KCNH1: variants seen among roughly 807,000 people sequenced by gnomAD.
The protein encoded by KCNH1 is potassium voltage-gated channel subfamily H member 1, also known as voltage-gated delayed rectifier potassium channel KCNH1.
In KCNH1, 27 loss-of-function variants were observed where a neutral mutation model predicts 69.2. The observed-to-expected ratio is 0.39, with a 90% CI of 0.29 to 0.54. The LOEUF is 0.54. KCNH1 is among the 20% of genes least tolerant of loss of function. The probability of loss-of-function intolerance (pLI) is 0.68; values close to 1 mark genes in which losing one functional copy is unlikely to be tolerated. For missense variants in KCNH1, 798 were observed against 1,261.6 expected (o/e 0.63, Z 5.57); for synonymous variants, 456 against 487.7 (o/e 0.93, Z 0.86).
At chr1:210,937,832 C>A (rs1259162101) in intron 6 of KCNH1, among the ~76,000 whole-genome samples, 1 of 152,178 alleles carries the variant, frequency 6.6e-6, no homozygotes, top group Admixed American at 6.5e-5. Context: ...GACTATACTC[C>A]CCTGGTTCCC....
At chr1:210,846,182 C>T (rs549406912) in intron 7 of KCNH1, among the ~76,000 whole-genome samples, 4 of 152,248 alleles carry the variant, frequency 2.6e-5, no homozygotes, top group African/African-American at 7.2e-5. Flanking sequence ...TCAATGCCAT[C>T]GCCATCAAGC....
chr1:210,805,465 C>A, intron 7 of KCNH1, among the ~76,000 whole-genome samples: 1 of 152,126 alleles, frequency 6.6e-6, no homozygotes, highest in Non-Finnish European at 1.5e-5. Context: ...CTCCCATCCC[C>A]ACCTGCTTTC....
At chr1:210,931,983 A>C (rs1468648856) in intron 6 of KCNH1, among the ~76,000 whole-genome samples, 2 of 152,130 alleles carry the variant, frequency 1.3e-5, no homozygotes, top group Non-Finnish European at 1.5e-5. Flanking sequence ...GGACACCATT[A>C]AGTTAATAAA....
intron 10 of KCNH1, among the ~76,000 whole-genome samples, chr1:210,705,886 T>TAAAC (rs1274019103): frequency 2.0e-5 from 3 of 152,232 alleles, no homozygotes; most frequent in Non-Finnish European, 4.4e-5. Flanking sequence ...AGGCCAGCCC[T>TAAAC]AAACAGTGTT....
At chr1:210,923,392 G>A (rs1349469463) in intron 6 of KCNH1, among the ~76,000 whole-genome samples, 3 of 152,114 alleles carry the variant, frequency 2.0e-5, no homozygotes, top group Admixed American at 2.0e-4. Context: ...GAGATAAACT[G>A]CCATTGGGGG....
At chr1:210,701,621 TCTTC>T (rs1167441532) in intron 10 of KCNH1, among the ~76,000 whole-genome samples, 1 of 152,036 alleles carries the variant, frequency 6.6e-6, no homozygotes, top group Non-Finnish European at 1.5e-5. Context: ...CTGAAGTTAA[TCTTC>T]CTTCCTTCCA....
intron 6 of KCNH1, among the ~76,000 whole-genome samples, chr1:211,016,922 A>AAAAAAAAAT (rs139001420): frequency 1.4e-5 from 2 of 146,492 alleles, no homozygotes; most frequent in Admixed American, 6.9e-5. Context: ...AAAAAAAAAA[A>AAAAAAAAAT]TTTTAAAATT....
At chr1:210,838,247 T>C (rs1282280289) in intron 7 of KCNH1, among the ~76,000 whole-genome samples, 2 of 152,036 alleles carry the variant, frequency 1.3e-5, no homozygotes, top group African/African-American at 2.4e-5. Flanking sequence ...ATGGGGAAAG[T>C]ATTCCCTATT....
rs1014111355 is a variant in KCNH1, at chr1:210,891,360, G to A, written c.1462+28280C>T. ...AACAATGAGAACACTTGGACACAGGGTGAGGAACATCACACACCAGGGCCT... is the reference window on the plus strand; with the variant it reads ...AACAATGAGAACACTTGGACACAGGATGAGGAACATCACACACCAGGGCCT... On this transcript the variant is annotated intron_variant, in intron 7 of 10. Transcript: ENST00000271751. 2.0e-5 allele frequency among the ~76,000 whole-genome samples: 3 copies of A among 152,044 alleles called. No individual in the cohort carries two copies. In the South Asian group the frequency reaches 6.2e-4, roughly 32 times the overall value.
intron 6 of KCNH1, among the ~76,000 whole-genome samples, chr1:210,933,750 T>C (rs1448068656): frequency 6.6e-6 from 1 of 152,094 alleles, no homozygotes; most frequent in Non-Finnish European, 1.5e-5. Context: ...GAGACTATTA[T>C]AAACAGGAAC....
chr1:210,932,657 T>C (rs997822848), intron 6 of KCNH1, among the ~76,000 whole-genome samples: 7 of 151,678 alleles, frequency 4.6e-5, no homozygotes, highest in Admixed American at 6.6e-5. Flanking sequence ...AAAGAAGGAA[T>C]GGAAAAAAAA....
intron 7 of KCNH1, among the ~76,000 whole-genome samples, chr1:210,896,600 G>A (rs1161471876): frequency 2.6e-5 from 4 of 152,136 alleles, no homozygotes; most frequent in African/African-American, 7.2e-5. Context: ...CTGAAGAAGT[G>A]AGTATATTTT....
At chr1:211,050,544 A>G (rs1690183008) in intron 5 of KCNH1, among the ~76,000 whole-genome samples, 1 of 152,194 alleles carries the variant, frequency 6.6e-6, no homozygotes, top group Non-Finnish European at 1.5e-5. Context: ...ACCAACCCAC[A>G]TGACACCGTC....
intron 5 of KCNH1, among the ~76,000 whole-genome samples, chr1:211,021,678 A>G (rs1413066782): frequency 6.6e-6 from 1 of 152,108 alleles, no homozygotes. Context: ...TAGCATTTCC[A>G]TACACCAATA....
At position 210,931,630 on chromosome 1, in the gene KCNH1, AAAC is replaced by A. The variant is rs574120005; in HGVS notation, c.1033-11564_1033-11562del. 1.1e-3 allele frequency among the ~76,000 whole-genome samples: 170 copies of A among 152,270 alleles called. 1 individual carries two copies. Among genetic ancestry groups the A allele is most frequent in the African/African-American group, 4.0e-3 (166 of 41,550 alleles). On this transcript the variant is annotated intron_variant, in intron 6 of 10. Transcript: ENST00000271751. ...CACCACTAAATAACTTCATGTAACC[AAAC>A]AACAACTGTTCCCCAGAAACCTAAT...
intron 5 of KCNH1, among the ~76,000 whole-genome samples, chr1:211,027,836 A>G (rs547853240): frequency 6.6e-6 from 1 of 152,264 alleles, no homozygotes; most frequent in South Asian, 2.1e-4. Flanking sequence ...TAAAAATCTG[A>G]TAAAATCAAA....
intron 7 of KCNH1, among the ~76,000 whole-genome samples, chr1:210,847,077 A>G: frequency 6.6e-6 from 1 of 152,200 alleles, no homozygotes; most frequent in Non-Finnish European, 1.5e-5. Flanking sequence ...AAGTCAGGAA[A>G]CAACAGCTGC....
intron 6 of KCNH1, among the ~76,000 whole-genome samples, chr1:210,956,452 G>C (rs1462099303): frequency 6.6e-6 from 1 of 151,578 alleles, no homozygotes; most frequent in Non-Finnish European, 1.5e-5. Context: ...TTTTTCTATT[G>C]ATTGGAATAG....
intron 5 of KCNH1, among the ~76,000 whole-genome samples, chr1:211,025,474 G>A (rs182028821): frequency 2.0e-5 from 3 of 152,266 alleles, no homozygotes; most frequent in Non-Finnish European, 4.4e-5. Flanking sequence ...AATTACATGA[G>A]TGTGATTAAG....
Sources: gnomAD v4.1 joint callset for allele counts (sites outside exome capture counted in the v4.1 genomes callset) on GRCh38, gnomAD v4.1.1 for gene constraint, MANE v1.5 for transcripts, NCBI Gene and HGNC (gene_info 2026-07-23, HGNC 2026-07-21) for gene names.